SIPA1L2: variants seen among roughly 807,000 people sequenced by gnomAD.
SIPA1L2 encodes the protein signal-induced proliferation-associated 1-like protein 2.
In SIPA1L2, 56 loss-of-function variants were observed where a neutral mutation model predicts 163.9. That is an observed-to-expected ratio of 0.34 (90% confidence interval 0.28 to 0.43). SIPA1L2 has a LOEUF of 0.43. Ranked by LOEUF, SIPA1L2 falls within the 20% of genes least tolerant of loss-of-function variation. The pLI, the probability that SIPA1L2 is intolerant of heterozygous loss-of-function variation, is 1.00. For missense variants in SIPA1L2, 1,974 were observed against 2,193.5 expected, an observed-to-expected ratio of 0.90 and a Z score of 2.00; for synonymous variants, 877 against 865.7, an observed-to-expected ratio of 1.01 and a Z score of -0.23.
At chr1:232,497,953 C>T (rs1400169475) in intron 3 of SIPA1L2, among the ~76,000 whole-genome samples, 1 of 152,196 alleles carries the variant, frequency 6.6e-6, no homozygotes, top group African/African-American at 2.4e-5. Context: ...AAGCACACTC[C>T]ACCGTTCATG....
At chr1:232,575,822 C>T (rs570289359) in intron 1 of SIPA1L2, among the ~76,000 whole-genome samples, 3 of 152,218 alleles carry the variant, frequency 2.0e-5, no homozygotes, top group South Asian at 4.2e-4. Flanking sequence ...AAATACGTGC[C>T]GTGGAATATT....
rs376527949 is a variant in SIPA1L2 at position 232,514,063 on chromosome 1, A to C, written c.1277T>G (p.Leu426Arg). ...GAAAGAGGATGAGTTGGCTCGAGAGAGCGCAATCCGCCTGTCGCCTTCCCC... is the reference window on the plus strand; with the variant it reads ...GAAAGAGGATGAGTTGGCTCGAGAGCGCGCAATCCGCCTGTCGCCTTCCCC... ...TGGEGDRRIA[L>R]SRANSSSFSS... The change falls in exon 3 of 23, where the codon CTC becomes CGC. Residue 426 changes from leucine (L) to arginine (R), a missense_variant. Coordinates refer to ENST00000674635, the MANE Select transcript of SIPA1L2 (RefSeq NM_020808.5). 16 of 1,614,054 alleles carry C rather than the reference A, an allele frequency of 9.9e-6. No homozygotes were observed. Among genetic ancestry groups the C allele is most frequent in the African/African-American group, 1.3e-5 (1 of 74,934 alleles).
At chr1:232,541,238 A>C (rs565370362) in intron 2 of SIPA1L2, among the ~76,000 whole-genome samples, 1,589 of 144,236 alleles carry the variant, frequency 0.011, 17 homozygotes, top group Non-Finnish European at 0.014. Context: ...CACATCACAT[A>C]ACATAACATT....
At chr1:232,582,529 T>C (rs10910560) in intron 1 of SIPA1L2, among the ~76,000 whole-genome samples, 39,061 of 152,168 alleles carry the variant, frequency 0.26, 5,097 homozygotes, top group Non-Finnish European at 0.26. Context: ...AGTGTATATA[T>C]ACCACATTTT....
intron 3 of SIPA1L2, among the ~76,000 whole-genome samples, chr1:232,505,535 A>T (rs2103025903): frequency 6.6e-6 from 1 of 152,282 alleles, no homozygotes; most frequent in Middle Eastern, 3.4e-3. Context: ...CCAGAGAGTC[A>T]GTAGGTTTTG....
At chr1:232,573,536 C>G (rs1659918302) in intron 2 of SIPA1L2, among the ~76,000 whole-genome samples, 1 of 152,196 alleles carries the variant, frequency 6.6e-6, no homozygotes, top group Admixed American at 6.5e-5. Context: ...GACAAATGTC[C>G]TGGGGGTGGT....
At chr1:232,509,801 T>A (rs1185215470) in intron 3 of SIPA1L2, among the ~76,000 whole-genome samples, 2 of 152,190 alleles carry the variant, frequency 1.3e-5, no homozygotes, top group African/African-American at 4.8e-5. Flanking sequence ...GAAGTCACAC[T>A]GGACCACAGG....
At chr1:232,620,458 C>A (rs1411765359) in intron 1 of SIPA1L2, among the ~76,000 whole-genome samples, 1 of 152,214 alleles carries the variant, frequency 6.6e-6, no homozygotes, top group Non-Finnish European at 1.5e-5. Context: ...AGCAGTGTCT[C>A]TTGAAACTCT....
intron 18 of SIPA1L2, among the ~76,000 whole-genome samples, chr1:232,423,576 G>A (rs1461155377): frequency 1.3e-5 from 2 of 152,192 alleles, no homozygotes; most frequent in African/African-American, 4.8e-5. Flanking sequence ...CACCAAATAA[G>A]AAGGTTTCTT....
chr1:232,446,497 G>C (rs1013750516), intron 10 of SIPA1L2, among the ~76,000 whole-genome samples: 1 of 152,196 alleles, frequency 6.6e-6, no homozygotes, highest in African/African-American at 2.4e-5. Context: ...AGTTCATTAT[G>C]CATCAACACC....
Position 232,597,792 on chromosome 1 carries a change from C to T in SIPA1L2, c.-318-23570G>A, listed in dbSNP as rs139821595. On this transcript the variant is annotated intron_variant, in intron 1 of 22. Transcript: ENST00000674635. ...TCCAGGCAAGAGAGGCTGATCTTGG[C>T]CCTGTAGTGACAGTGGAGACCTGAG... Among the ~76,000 whole-genome samples, 225 of 151,896 alleles carry T rather than the reference C, an allele frequency of 1.5e-3. 1 individual carries two copies. The highest frequency in any genetic ancestry group is 5.3e-3 in the African/African-American group (219 of 41,400).
chr1:232,412,689 T>C (rs1661029272), intron 19 of SIPA1L2, among the ~76,000 whole-genome samples: 1 of 152,184 alleles, frequency 6.6e-6, no homozygotes, highest in Non-Finnish European at 1.5e-5. Flanking sequence ...GGGAACCTGA[T>C]TAGCCAAAGG....
intron 2 of SIPA1L2, among the ~76,000 whole-genome samples, chr1:232,529,869 T>C (rs900201669): frequency 3.9e-5 from 6 of 152,220 alleles, no homozygotes; most frequent in African/African-American, 1.4e-4. Flanking sequence ...ATCTGTATTA[T>C]GCTCTTGAGC....
chr1:232,584,633 C>A (rs1388298477), intron 1 of SIPA1L2, among the ~76,000 whole-genome samples: 1 of 152,200 alleles, frequency 6.6e-6, no homozygotes, highest in African/African-American at 2.4e-5. Context: ...TCTCATTAAT[C>A]TACCTCTTGT....
chr1:232,543,358 A>C (rs140281013), intron 2 of SIPA1L2, among the ~76,000 whole-genome samples: 2 of 152,062 alleles, frequency 1.3e-5, no homozygotes, highest in Non-Finnish European at 2.9e-5. Flanking sequence ...TTATACACAT[A>C]TTTTTTTCAG....
At chr1:232,403,386 C>T in intron 21 of SIPA1L2, 62 bp downstream of exon 21, 1 of 1,578,730 alleles carries the variant, frequency 6.3e-7, no homozygotes, top group Non-Finnish European at 8.6e-7. Flanking sequence ...AGTCGGTTAG[C>T]CGAATCTTGG....
chr1:232,472,672 T>A (rs898751007), intron 7 of SIPA1L2, among the ~76,000 whole-genome samples: 2 of 152,210 alleles, frequency 1.3e-5, no homozygotes, highest in Non-Finnish European at 2.9e-5. Flanking sequence ...ATGTCATTGC[T>A]GGAATGTGAC....
At chr1:232,517,068 G>C (rs1190608932) in intron 2 of SIPA1L2, among the ~76,000 whole-genome samples, 1 of 151,996 alleles carries the variant, frequency 6.6e-6, no homozygotes, top group African/African-American at 2.4e-5. Flanking sequence ...CTATTTCCAG[G>C]GGTCTTTATT....
At chr1:232,449,488 G>A (rs960303712) in intron 10 of SIPA1L2, among the ~76,000 whole-genome samples, 10 of 147,146 alleles carry the variant, frequency 6.8e-5, no homozygotes, top group Non-Finnish European at 1.2e-4. Context: ...ACTGCAGTCC[G>A]GCCTAGGCAA....
Sources: allele counts gnomAD v4.1 joint callset (sites outside exome capture counted in the v4.1 genomes callset), GRCh38; gene constraint gnomAD v4.1.1; transcripts MANE v1.5; gene names NCBI Gene and HGNC (gene_info 2026-07-23, HGNC 2026-07-21).